Variants in CCSER1 observed in about 807,000 individuals in gnomAD.
CCSER1 encodes the protein coiled-coil serine rich protein 1, also known as serine-rich coiled-coil domain-containing protein 1.
In CCSER1, 41 loss-of-function variants were observed where a neutral mutation model predicts 82.0. The ratio of observed to expected loss-of-function variants is 0.50; its 90% confidence interval spans 0.39 to 0.65. The LOEUF is 0.65. Ranked by LOEUF, CCSER1 falls within the 30% of genes least tolerant of loss-of-function variation. The probability of loss-of-function intolerance (pLI) is 0.00; values close to 1 mark genes in which losing one functional copy is unlikely to be tolerated. For missense variants in CCSER1, 1,119 were observed against 1,064.2 expected, an observed-to-expected ratio of 1.05 and a Z score of -0.72; for synonymous variants, 414 against 383.9, an observed-to-expected ratio of 1.08 and a Z score of -0.92.
intron 10 of CCSER1, among the ~76,000 whole-genome samples, chr4:91,519,534 A>G (rs1760336117): frequency 6.6e-6 from 1 of 152,190 alleles, no homozygotes; most frequent in African/African-American, 2.4e-5. Flanking sequence ...CTTTTGCTGG[A>G]GCTGCAGCCA....
At chr4:91,532,602 C>T (rs1761091041) in intron 10 of CCSER1, among the ~76,000 whole-genome samples, 1 of 152,114 alleles carries the variant, frequency 6.6e-6, no homozygotes, top group Admixed American at 6.6e-5. Context: ...TTAAAAGTTA[C>T]ACTTTCCTAC....
At chr4:91,332,047 A>G (rs1421677281) in intron 10 of CCSER1, among the ~76,000 whole-genome samples, 3 of 152,162 alleles carry the variant, frequency 2.0e-5, no homozygotes, top group Non-Finnish European at 4.4e-5. Context: ...TCATTAGCTT[A>G]TTGAAAACTT....
intron 8 of CCSER1, among the ~76,000 whole-genome samples, chr4:90,874,472 A>G (rs4144816): frequency 0.068 from 10,301 of 151,798 alleles, 363 homozygotes; most frequent in Admixed American, 0.11. Flanking sequence ...TTCTATTTTG[A>G]TGCTATCTTG....
intron 3 of CCSER1, among the ~76,000 whole-genome samples, chr4:90,313,325 A>G (rs1454370417): frequency 6.6e-6 from 1 of 152,178 alleles, no homozygotes; most frequent in Non-Finnish European, 1.5e-5. Flanking sequence ...TACAGAAACT[A>G]GGGAAAATGC....
At chr4:91,391,794 G>A (rs1338315835) in intron 10 of CCSER1, among the ~76,000 whole-genome samples, 1 of 152,028 alleles carries the variant, frequency 6.6e-6, no homozygotes, top group Non-Finnish European at 1.5e-5. Flanking sequence ...TTCTATGTGA[G>A]GCTGAGAAGA....
intron 3 of CCSER1, among the ~76,000 whole-genome samples, chr4:90,390,034 G>A (rs1750726800): frequency 6.6e-6 from 1 of 152,042 alleles, no homozygotes; most frequent in Non-Finnish European, 1.5e-5. Flanking sequence ...ATATTACCTT[G>A]TGTTTACTCT....
chr4:91,068,617 T>G (rs1721091809), intron 9 of CCSER1, among the ~76,000 whole-genome samples: 1 of 152,178 alleles, frequency 6.6e-6, no homozygotes, highest in Non-Finnish European at 1.5e-5. Context: ...AATATGGATA[T>G]ACTGAAAGCA....
At chr4:90,519,007 T>C (rs1772696422) in intron 5 of CCSER1, among the ~76,000 whole-genome samples, 1 of 151,890 alleles carries the variant, frequency 6.6e-6, no homozygotes, top group African/African-American at 2.4e-5. Context: ...TAAGTAGAAT[T>C]ATTACATGAA....
chr4:91,362,212 G>T (rs1013626314), intron 10 of CCSER1, among the ~76,000 whole-genome samples: 2 of 151,826 alleles, frequency 1.3e-5, no homozygotes, highest in Non-Finnish European at 2.9e-5. Context: ...GATTGTAGTT[G>T]TTTTCCAGAA....
intron 10 of CCSER1, among the ~76,000 whole-genome samples, chr4:91,594,615 A>G (rs72886330): frequency 0.014 from 2,168 of 151,940 alleles, 59 homozygotes; most frequent in African/African-American, 0.05. Flanking sequence ...TTCTAAACAT[A>G]TTCCAAAACA....
rs888877653 is a variant in CCSER1, at chr4:90,162,884, C to T, written c.-42+35053C>T. Among the ~76,000 whole-genome samples, 7 of 152,140 alleles carry T rather than the reference C, an allele frequency of 4.6e-5. No homozygotes were observed. In the East Asian group the frequency reaches 7.7e-4, roughly 17 times the overall value. On this transcript the variant is annotated intron_variant, in intron 1 of 10. Coordinates refer to ENST00000509176, the MANE Select transcript of CCSER1 (RefSeq NM_001145065.2). ...TGTTAGAAACAGTGACTTAGATAAG[C>T]GTGTTAATATTTTAGGTCACTAGAC... is the stretch of plus-strand genomic sequence containing the variant.
chr4:90,847,453 C>T (rs1471464084), intron 8 of CCSER1, among the ~76,000 whole-genome samples: 4 of 152,184 alleles, frequency 2.6e-5, no homozygotes, highest in African/African-American at 7.2e-5. Context: ...CTGAAGATTT[C>T]CTCTATGAAG....
At chr4:91,079,117 A>T (rs1183822307) in intron 9 of CCSER1, among the ~76,000 whole-genome samples, 1 of 152,156 alleles carries the variant, frequency 6.6e-6, no homozygotes. Context: ...AATCCAAGAC[A>T]CATAATTTTC....
intron 1 of CCSER1, among the ~76,000 whole-genome samples, chr4:90,206,643 T>C (rs1738889938): frequency 6.6e-6 from 1 of 152,064 alleles, no homozygotes; most frequent in Non-Finnish European, 1.5e-5. Flanking sequence ...ATAAGTGTGA[T>C]GTGGTGCTGA....
intron 9 of CCSER1, among the ~76,000 whole-genome samples, chr4:91,074,976 C>A (rs1721818731): frequency 6.6e-6 from 1 of 152,046 alleles, no homozygotes; most frequent in South Asian, 2.1e-4. Flanking sequence ...ATAGTGATTT[C>A]TGCCTTTTTG....
At chr4:90,661,992 C>G (rs1414023353) in intron 6 of CCSER1, among the ~76,000 whole-genome samples, 8 of 144,562 alleles carry the variant, frequency 5.5e-5, no homozygotes, top group South Asian at 4.4e-4. Flanking sequence ...CTCTTTGTTT[C>G]TTTCTTTCTT....
intron 3 of CCSER1, among the ~76,000 whole-genome samples, chr4:90,353,511 G>A (rs1743873275): frequency 6.6e-6 from 1 of 152,102 alleles, no homozygotes; most frequent in Non-Finnish European, 1.5e-5. Context: ...GGCAAATAAA[G>A]GAAAATTCTT....
At chr4:91,285,083 A>T (rs1743182322) in intron 10 of CCSER1, among the ~76,000 whole-genome samples, 1 of 152,042 alleles carries the variant, frequency 6.6e-6, no homozygotes, top group African/African-American at 2.4e-5. Flanking sequence ...CTAAAGTTAA[A>T]TAATCTCTCA....
chr4:91,189,219 T>C (rs1176766781), intron 10 of CCSER1, among the ~76,000 whole-genome samples: 1 of 152,190 alleles, frequency 6.6e-6, no homozygotes, highest in African/African-American at 2.4e-5. Flanking sequence ...TCATTACAAT[T>C]TGTCTTCATC....
Sources: gnomAD v4.1 joint callset for allele counts (sites outside exome capture counted in the v4.1 genomes callset) on GRCh38, gnomAD v4.1.1 for gene constraint, MANE v1.5 for transcripts, NCBI Gene and HGNC (gene_info 2026-07-23, HGNC 2026-07-21) for gene names.